MCU: variants seen among roughly 807,000 people sequenced by gnomAD.
The protein encoded by MCU is mitochondrial calcium uniporter, also known as calcium uniporter protein, mitochondrial.
MCU carries 12 observed loss-of-function variants against 45.2 expected under a neutral mutation model. That is an observed-to-expected ratio of 0.27 (90% CI 0.17 to 0.43). The LOEUF is 0.43. Among genes scored for constraint, MCU ranks in the 20% least tolerant of loss-of-function variants. The pLI, the probability that MCU is intolerant of heterozygous loss-of-function variation, is 1.00. For synonymous variants in MCU, 160 were observed against 165.1 expected (o/e 0.97, Z 0.24); for missense variants, 324 against 436.7 (o/e 0.74, Z 2.30).
At chr10:72,811,126 T>C (rs762337109) in intron 1 of MCU, among the ~76,000 whole-genome samples, 1 of 152,206 alleles carries the variant, frequency 6.6e-6, no homozygotes, top group African/African-American at 2.4e-5. Context: ...AAAATAAACA[T>C]GAATCTTTTA....
intron 1 of MCU, among the ~76,000 whole-genome samples, chr10:72,696,502 G>A (rs1297843957): frequency 6.6e-6 from 1 of 152,082 alleles, no homozygotes; most frequent in Non-Finnish European, 1.5e-5. Context: ...CTTGATTTGT[G>A]TAATTCCTGG....
chr10:72,782,798 G>A (rs1435168353), intron 1 of MCU, among the ~76,000 whole-genome samples: 1 of 152,182 alleles, frequency 6.6e-6, no homozygotes, highest in Non-Finnish European at 1.5e-5. Flanking sequence ...TAGGGCTTAT[G>A]TATTATTCGT....
chr10:72,806,887 G>C (rs1589471498), intron 1 of MCU, among the ~76,000 whole-genome samples: 1 of 152,240 alleles, frequency 6.6e-6, no homozygotes, highest in Admixed American at 6.5e-5. Flanking sequence ...CCAGAAGCAA[G>C]CTTGGCCAGT....
intron 1 of MCU, among the ~76,000 whole-genome samples, chr10:72,773,892 AG>A (rs1286501197): frequency 1.8e-4 from 27 of 152,346 alleles, no homozygotes; most frequent in African/African-American, 6.3e-4. Flanking sequence ...TCAGAAATTA[AG>A]GTGCAACAAA....
intron 7 of MCU, among the ~76,000 whole-genome samples, chr10:72,885,189 C>G (rs970290544): frequency 6.6e-6 from 1 of 152,142 alleles, no homozygotes; most frequent in African/African-American, 2.4e-5. Flanking sequence ...CAGAATCATG[C>G]CTGGAGCTGT....
chr10:72,774,436 A>G lies in MCU; in HGVS notation c.151-59923A>G, dbSNP rs542884607. Among the ~76,000 whole-genome samples the G allele has an allele frequency of 1.2e-4, 18 of 152,288 alleles. No homozygotes were observed. In the South Asian group the frequency reaches 2.3e-3, roughly 19 times the overall value. ...AGACTTACTAAAAACACAACAAATT[A>G]AAAACAGATTACTAGGGAAAGTCAC... On this transcript the variant is annotated intron_variant, in intron 1 of 7. Coordinates refer to ENST00000373053, the MANE Select transcript of MCU (RefSeq NM_138357.3).
In MCU at chr10:72,692,289, G is replaced by GCAC; in HGVS notation, c.143_145dup (p.His48dup). ...GCGTCAGCCGCCACCGGCAGCAGCA[G>GCAC]CACCACCGGACGGTGAGCGAGCGCG... On this transcript the variant is annotated inframe_insertion, in exon 1 of 8. Coordinates refer to ENST00000373053, the MANE Select transcript of MCU (RefSeq NM_138357.3). 4 of 1,223,618 alleles carry GCAC rather than the reference G, an allele frequency of 3.3e-6. No individual in the cohort carries two copies. The highest frequency in any genetic ancestry group is 4.1e-6 in the Non-Finnish European group (4 of 981,120). The allele number at this position is 1,223,618 out of a possible 1,614,324, so 75.8% of individuals were successfully genotyped here. A position where few individuals can be genotyped will look rare whatever the true frequency, so the allele number is the denominator to read the frequency against.
intron 1 of MCU, among the ~76,000 whole-genome samples, chr10:72,748,702 C>G (rs1843450553): frequency 6.6e-6 from 1 of 151,780 alleles, no homozygotes; most frequent in African/African-American, 2.4e-5. Flanking sequence ...TTAATTCATT[C>G]TCTGAAGAAA....
rs373594755 is a variant in MCU, at chr10:72,799,165, T to C, written c.151-35194T>C. On this transcript the variant is annotated intron_variant, in intron 1 of 7. Coordinates refer to ENST00000373053, the MANE Select transcript of MCU (RefSeq NM_138357.3). ...GGTCTCGAACTCCTGACCTTGTGAT[T>C]CACCCGCCTCAGCCTCCCAAAATGC... Among the ~76,000 whole-genome samples, 681 of 152,096 alleles carry C rather than the reference T, an allele frequency of 4.5e-3. 5 individuals are homozygous for C. Among genetic ancestry groups the C allele is most frequent in the African/African-American group, 0.016 (648 of 41,496 alleles).
At chr10:72,866,215 C>T (rs1454499166) in intron 4 of MCU, among the ~76,000 whole-genome samples, 6 of 152,264 alleles carry the variant, frequency 3.9e-5, no homozygotes, top group Non-Finnish European at 7.4e-5. Context: ...AAGGTACCAC[C>T]ACTCTTTTTC....
At chr10:72,708,865 T>C (rs1397964710) in intron 1 of MCU, among the ~76,000 whole-genome samples, 1 of 152,108 alleles carries the variant, frequency 6.6e-6, no homozygotes, top group Non-Finnish European at 1.5e-5. Flanking sequence ...TTAAAAGTAA[T>C]TTGAGGCCAG....
intron 2 of MCU, among the ~76,000 whole-genome samples, chr10:72,841,309 AT>A (rs984881332): frequency 2.3e-4 from 34 of 150,468 alleles, no homozygotes; most frequent in African/African-American, 7.8e-4. Flanking sequence ...GAAAAAAAAA[AT>A]TTTTTTTTTG....
chr10:72,849,819 A>C (rs1201711896), intron 2 of MCU, among the ~76,000 whole-genome samples: 3 of 152,308 alleles, frequency 2.0e-5, no homozygotes, highest in African/African-American at 2.4e-5. Context: ...TAGCAACCTA[A>C]TGTCATGTGT....
At chr10:72,869,107 T>C (rs1286810242) in intron 5 of MCU, among the ~76,000 whole-genome samples, 3 of 152,156 alleles carry the variant, frequency 2.0e-5, no homozygotes, top group Non-Finnish European at 4.4e-5. Flanking sequence ...CTTAACCAGA[T>C]TTACCACCTT....
intron 1 of MCU, 82 bp downstream of exon 1, chr10:72,692,383 C>A: frequency 9.2e-7 from 1 of 1,084,182 alleles, no homozygotes; most frequent in African/African-American, 1.7e-5. Flanking sequence ...GCCGCCGGGG[C>A]AGCAGGCGAG....
intron 1 of MCU, among the ~76,000 whole-genome samples, chr10:72,741,126 G>A (rs1419211951): frequency 7.1e-6 from 1 of 140,720 alleles, no homozygotes; most frequent in South Asian, 2.2e-4. Context: ...GTGTGACGGA[G>A]TCTCACTCTG....
intron 1 of MCU, among the ~76,000 whole-genome samples, chr10:72,771,848 T>C (rs974013501): frequency 2.0e-5 from 3 of 152,136 alleles, no homozygotes; most frequent in African/African-American, 4.8e-5. Context: ...CTGGCCCCAG[T>C]AGGGCCACAG....
At chr10:72,839,445 A>G in intron 2 of MCU, among the ~76,000 whole-genome samples, 1 of 152,054 alleles carries the variant, frequency 6.6e-6, no homozygotes. Flanking sequence ...TTTTCCAAAA[A>G]TGTCGTATAA....
At position 72,717,113 on chromosome 10, in the gene MCU, T is replaced by TTC. The variant is rs972032220; in HGVS notation, c.150+24826_150+24827dup. Among the ~76,000 whole-genome samples the TTC allele has an allele frequency of 3.5e-5, 5 of 144,442 alleles. No homozygotes were observed. In the East Asian group the frequency reaches 7.8e-4, roughly 22 times the overall value. The allele number at this position is 144,442 out of a possible 152,430, so 94.8% of individuals were successfully genotyped here. On this transcript the variant is annotated intron_variant, in intron 1 of 7. Transcript: ENST00000373053. The stretch of plus-strand genomic sequence containing the variant: ...TTGAAAGGTGCACAGTCTATTTCCT[T>TTC]TCTCTCTCTCTCTCTTTTTTTTTTT...
Sources: allele counts gnomAD v4.1 joint callset (sites outside exome capture counted in the v4.1 genomes callset), GRCh38; gene constraint gnomAD v4.1.1; transcripts MANE v1.5; gene names NCBI Gene and HGNC (gene_info 2026-07-23, HGNC 2026-07-21).